MIPEP: variants seen among roughly 807,000 people sequenced by gnomAD.
MIPEP encodes mitochondrial intermediate peptidase.
MIPEP carries 79 observed loss-of-function variants against 90.3 expected under a neutral mutation model. The observed-to-expected ratio is 0.87, with a 90% CI of 0.73 to 1.05. MIPEP has a LOEUF of 1.05. Ranked by LOEUF, MIPEP falls within the 50% of genes least tolerant of loss-of-function variation. The probability of loss-of-function intolerance (pLI) is 0.00; values close to 1 mark genes in which losing one functional copy is unlikely to be tolerated. For synonymous variants in MIPEP, 334 were observed against 315.8 expected (o/e 1.06, Z -0.61); for missense variants, 940 against 905.6 (o/e 1.04, Z -0.49).
At chr13:23,868,653 C>T (rs187075072) in intron 7 of MIPEP, among the ~76,000 whole-genome samples, 98 of 152,192 alleles carry the variant, frequency 6.4e-4, no homozygotes, top group Non-Finnish European at 6.9e-4. Flanking sequence ...ATCATCACGG[C>T]CACCCTACTC....
chr13:23,780,750 A>C (rs1952772734), intron 16 of MIPEP, among the ~76,000 whole-genome samples: 1 of 152,240 alleles, frequency 6.6e-6, no homozygotes, highest in Non-Finnish European at 1.5e-5. Context: ...AGTGTAGAGA[A>C]GTCCTTAAAT....
At chr13:23,791,026 A>G (rs746488949) in intron 16 of MIPEP, among the ~76,000 whole-genome samples, 6 of 152,074 alleles carry the variant, frequency 3.9e-5, no homozygotes, top group Non-Finnish European at 8.8e-5. Flanking sequence ...CTTTTCAGCT[A>G]ACTCTCTAGT....
chr13:23,884,856 T>A (rs1871409013), intron 2 of MIPEP, among the ~76,000 whole-genome samples: 1 of 152,214 alleles, frequency 6.6e-6, no homozygotes, highest in African/African-American at 2.4e-5. Context: ...TGCAGTTCTA[T>A]ACCATGTAGA....
At chr13:23,759,450 C>G (rs1952517246) in intron 17 of MIPEP, among the ~76,000 whole-genome samples, 1 of 149,942 alleles carries the variant, frequency 6.7e-6, no homozygotes, top group African/African-American at 2.5e-5. Context: ...CCCCAGACAG[C>G]ACAGGATTCC....
chr13:23,733,590 A>G (rs1352550320), intron 18 of MIPEP, among the ~76,000 whole-genome samples: 2 of 152,226 alleles, frequency 1.3e-5, no homozygotes, highest in Non-Finnish European at 2.9e-5. Context: ...CTAGAGGTGC[A>G]GATGTGATCA....
At chr13:23,789,792 C>T (rs185398776) in intron 16 of MIPEP, among the ~76,000 whole-genome samples, 1 of 152,178 alleles carries the variant, frequency 6.6e-6, no homozygotes, top group East Asian at 1.9e-4. Flanking sequence ...GCTGGGAATT[C>T]CCACCCTCCC....
At chr13:23,739,748 A>C (rs1026826386) in intron 18 of MIPEP, among the ~76,000 whole-genome samples, 1 of 152,202 alleles carries the variant, frequency 6.6e-6, no homozygotes, top group African/African-American at 2.4e-5. Flanking sequence ...AGCAAGCAGA[A>C]ACATGACTAC....
chr13:23,816,584 C>T (rs1226443929), intron 14 of MIPEP, among the ~76,000 whole-genome samples: 1 of 152,056 alleles, frequency 6.6e-6, no homozygotes, highest in Admixed American at 6.6e-5. Context: ...CCATGTTTTC[C>T]GTCTTGTCCT....
chr13:23,819,194 G>A (rs1184356557), intron 14 of MIPEP, among the ~76,000 whole-genome samples: 1 of 152,160 alleles, frequency 6.6e-6, no homozygotes, highest in Non-Finnish European at 1.5e-5. Flanking sequence ...CTGGGCCCCA[G>A]TAGACAAAAC....
intron 18 of MIPEP, among the ~76,000 whole-genome samples, chr13:23,752,809 A>T (rs1308627374): frequency 6.6e-6 from 1 of 152,122 alleles, no homozygotes; most frequent in Non-Finnish European, 1.5e-5. Context: ...ATATATATTT[A>T]TGTAAGCTAT....
At chr13:23,774,436 A>G (rs1429121837) in intron 16 of MIPEP, among the ~76,000 whole-genome samples, 1 of 152,160 alleles carries the variant, frequency 6.6e-6, no homozygotes, top group Non-Finnish European at 1.5e-5. Context: ...GTCATTTTCT[A>G]TAAAAAAAAG....
intron 10 of MIPEP, among the ~76,000 whole-genome samples, chr13:23,848,528 C>T (rs1370287214): frequency 6.6e-6 from 1 of 152,174 alleles, no homozygotes; most frequent in Non-Finnish European, 1.5e-5. Flanking sequence ...CAGAGGAGCA[C>T]TGCAAACAAG....
chr13:23,861,919 C>T (rs1312402422), intron 9 of MIPEP, among the ~76,000 whole-genome samples: 1 of 152,134 alleles, frequency 6.6e-6, no homozygotes, highest in Non-Finnish European at 1.5e-5. Flanking sequence ...AACAAATAAG[C>T]AAATGAACTG....
At chr13:23,781,396 G>A (rs1251666739) in intron 16 of MIPEP, among the ~76,000 whole-genome samples, 1 of 152,110 alleles carries the variant, frequency 6.6e-6, no homozygotes, top group East Asian at 1.9e-4. Flanking sequence ...TTACAGACAA[G>A]CAAATGCTGG....
intron 18 of MIPEP, among the ~76,000 whole-genome samples, chr13:23,756,287 T>A (rs1952489946): frequency 6.6e-6 from 1 of 152,216 alleles, no homozygotes; most frequent in Non-Finnish European, 1.5e-5. Flanking sequence ...CCCGAGTAGC[T>A]GGGATTACAG....
chr13:23,831,387 G>GGGGGGGGGGGGT (rs1868750638), intron 14 of MIPEP, among the ~76,000 whole-genome samples: 1 of 140,230 alleles, frequency 7.1e-6, no homozygotes. Flanking sequence ...CCATGGCGGG[G>GGGGGGGGGGGGT]GGGGGATGTG....
chr13:23,841,631 G>A lies in MIPEP; in HGVS notation c.1107-143C>T, dbSNP rs562136039. On this transcript the variant is annotated intron_variant, in intron 10 of 18. Transcript: ENST00000382172. Reference sequence around the variant, plus strand: ...ATAAAAGTGTATTTATATCATTTGAGGGGTTTTCAGACAGTTTTCTTCAGA... The same window carrying A: ...ATAAAAGTGTATTTATATCATTTGAAGGGTTTTCAGACAGTTTTCTTCAGA... 18 of 887,878 alleles carry A rather than the reference G, an allele frequency of 2.0e-5. No homozygotes were observed. In the African/African-American group the frequency reaches 2.9e-4, roughly 14 times the overall value. The allele number at this position is 887,878 out of a possible 1,614,324, so 55.0% of individuals were successfully genotyped here. A position where few individuals can be genotyped will look rare whatever the true frequency, so the allele number is the denominator to read the frequency against.
At chr13:23,768,619 C>T (rs1445079218) in intron 16 of MIPEP, among the ~76,000 whole-genome samples, 1 of 152,154 alleles carries the variant, frequency 6.6e-6, no homozygotes, top group Non-Finnish European at 1.5e-5. Context: ...CCTATAGTCC[C>T]AGCTACTCAG....
chr13:23,865,470 T>C (rs957554231), intron 7 of MIPEP, among the ~76,000 whole-genome samples: 2 of 152,204 alleles, frequency 1.3e-5, no homozygotes, highest in African/African-American at 4.8e-5. Context: ...GAAACAACAA[T>C]AGGAATTTTT....
Sources: gnomAD v4.1 joint callset for allele counts (sites outside exome capture counted in the v4.1 genomes callset) on GRCh38, gnomAD v4.1.1 for gene constraint, MANE v1.5 for transcripts, NCBI Gene and HGNC (gene_info 2026-07-23, HGNC 2026-07-21) for gene names.